Variants in NXPH1 observed in about 807,000 individuals in gnomAD.
NXPH1 encodes neurexophilin-1.
Under a neutral mutation model 23.7 loss-of-function variants are expected in NXPH1, and 5 were observed. The ratio of observed to expected loss-of-function variants is 0.21; its 90% CI spans 0.11 to 0.44. The LOEUF is 0.44. Among genes scored for constraint, NXPH1 ranks in the 20% least tolerant of loss-of-function variants. NXPH1 has a pLI of 0.99. For missense variants in NXPH1, 324 were observed against 321.6 expected, an observed-to-expected ratio of 1.01 and a Z score of -0.06; for synonymous variants, 144 against 122.2, an observed-to-expected ratio of 1.18 and a Z score of -1.18.
chr7:8,473,737 G>GT (rs558654748), intron 2 of NXPH1, among the ~76,000 whole-genome samples: 41,371 of 144,538 alleles, frequency 0.29, 6,002 homozygotes, highest in East Asian at 0.58. Flanking sequence ...TGCTGTGTGT[G>GT]TTTTTTTTTT....
At chr7:8,591,979 C>A (rs1819105855) in intron 2 of NXPH1, among the ~76,000 whole-genome samples, 1 of 151,666 alleles carries the variant, frequency 6.6e-6, no homozygotes. Flanking sequence ...ATCTTTCAGT[C>A]TTCTAGGAGC....
chr7:8,461,836 C>CAAA, intron 2 of NXPH1, among the ~76,000 whole-genome samples: 2 of 41,764 alleles, frequency 4.8e-5, no homozygotes, highest in East Asian at 1.2e-3. Flanking sequence ...GACTCCGTCT[C>CAAA]AAAAAAAAAA....
chr7:8,541,035 T>C (rs1484908656), intron 2 of NXPH1, among the ~76,000 whole-genome samples: 2 of 151,738 alleles, frequency 1.3e-5, no homozygotes, highest in East Asian at 2.0e-4. Context: ...TGGCATTTAA[T>C]TGAAAACTAT....
chr7:8,737,791 A>T lies in NXPH1; in HGVS notation c.55-13217A>T, dbSNP rs7809819. Among the ~76,000 whole-genome samples the T allele has an allele frequency of 3.6e-3, 554 of 152,190 alleles. 2 individuals carry two copies. The highest frequency in any genetic ancestry group is 0.013 in the African/African-American group (523 of 41,530). On this transcript the variant is annotated intron_variant, in intron 2 of 2. Coordinates refer to ENST00000405863, the MANE Select transcript of NXPH1 (RefSeq NM_152745.3). ...CACCAGTCAAAGGTAGGTTTGTTTTATTCACACGTTCACATATTTCTTGGA... is the reference window on the plus strand; with the variant it reads ...CACCAGTCAAAGGTAGGTTTGTTTTTTTCACACGTTCACATATTTCTTGGA...
At chr7:8,693,315 C>T (rs1240945595) in intron 2 of NXPH1, among the ~76,000 whole-genome samples, 1 of 152,176 alleles carries the variant, frequency 6.6e-6, no homozygotes, top group African/African-American at 2.4e-5. Flanking sequence ...GTGTGTCCTT[C>T]TGTGCGTAAG....
At chr7:8,700,377 C>A (rs1197998315) in intron 2 of NXPH1, among the ~76,000 whole-genome samples, 1 of 152,096 alleles carries the variant, frequency 6.6e-6, no homozygotes, top group Non-Finnish European at 1.5e-5. Flanking sequence ...AATCAGGCTT[C>A]ATTTCTGTCT....
chr7:8,688,210 A>G (rs1426970179), intron 2 of NXPH1, among the ~76,000 whole-genome samples: 2 of 152,142 alleles, frequency 1.3e-5, no homozygotes, highest in East Asian at 1.9e-4. Flanking sequence ...CTAGGATCTG[A>G]TGTTCTTGAT....
At chr7:8,530,636 G>T (rs1256228409) in intron 2 of NXPH1, among the ~76,000 whole-genome samples, 1 of 152,180 alleles carries the variant, frequency 6.6e-6, no homozygotes, top group Admixed American at 6.5e-5. Flanking sequence ...AAACTTGCCT[G>T]GAGGGGCATG....
At chr7:8,702,741 TAC>T (rs1251926018) in intron 2 of NXPH1, among the ~76,000 whole-genome samples, 1 of 152,122 alleles carries the variant, frequency 6.6e-6, no homozygotes, top group Non-Finnish European at 1.5e-5. Context: ...GTGGTACTGT[TAC>T]AGAGATTTTT....
At chr7:8,532,475 G>T (rs151110629) in intron 2 of NXPH1, among the ~76,000 whole-genome samples, 21 of 143,180 alleles carry the variant, frequency 1.5e-4, no homozygotes, top group African/African-American at 3.3e-4. Context: ...TTTTGGGGGG[G>T]GGGGAGGGGG....
intron 2 of NXPH1, among the ~76,000 whole-genome samples, chr7:8,629,735 A>G (rs1820082989): frequency 6.6e-6 from 1 of 152,158 alleles, no homozygotes; most frequent in South Asian, 2.1e-4. Flanking sequence ...CCAATAATAA[A>G]TGGAAGTACC....
rs138272484 is a variant in NXPH1 at position 8,624,908 on chromosome 7, C to T, written c.55-126100C>T. ...CCTGGATTCAAGTCATGACTCTTAA[C>T]TCTATAACTGCCTTCCCTGGGCTTC... is the stretch of plus-strand genomic sequence containing the variant. On this transcript the variant is annotated intron_variant, in intron 2 of 2. Coordinates refer to ENST00000405863, the MANE Select transcript of NXPH1 (RefSeq NM_152745.3). 2.3e-4 allele frequency among the ~76,000 whole-genome samples: 35 copies of T among 152,208 alleles called. No individual in the cohort carries two copies. In the East Asian group the frequency reaches 4.8e-3, roughly 21 times the overall value.
At chr7:8,554,175 A>G (rs557470362) in intron 2 of NXPH1, among the ~76,000 whole-genome samples, 1 of 151,760 alleles carries the variant, frequency 6.6e-6, no homozygotes, top group Non-Finnish European at 1.5e-5. Flanking sequence ...AAAAAAGCAA[A>G]AAAAATAAGA....
chr7:8,628,370 G>A (rs1450373097), intron 2 of NXPH1, among the ~76,000 whole-genome samples: 1 of 135,282 alleles, frequency 7.4e-6, no homozygotes, highest in Non-Finnish European at 1.6e-5. Context: ...ATGCATAGGT[G>A]TTTTTTTTTT....
At chr7:8,631,730 A>C (rs1230157583) in intron 2 of NXPH1, among the ~76,000 whole-genome samples, 4 of 152,214 alleles carry the variant, frequency 2.6e-5, no homozygotes. Context: ...TGTGGTCAAC[A>C]TCCAGAAAGC....
At chr7:8,614,426 A>G (rs1004887128) in intron 2 of NXPH1, among the ~76,000 whole-genome samples, 5 of 151,784 alleles carry the variant, frequency 3.3e-5, no homozygotes, top group South Asian at 2.1e-4. Flanking sequence ...CTATAGACAT[A>G]TATGTCTGTA....
chr7:8,449,854 T>C (rs563706689), intron 2 of NXPH1, among the ~76,000 whole-genome samples: 2 of 152,378 alleles, frequency 1.3e-5, no homozygotes, highest in East Asian at 1.9e-4. Flanking sequence ...TAAGTAGTTT[T>C]ATTAGATGCA....
At chr7:8,457,659 T>C (rs1447866327) in intron 2 of NXPH1, among the ~76,000 whole-genome samples, 1 of 151,994 alleles carries the variant, frequency 6.6e-6, no homozygotes, top group Admixed American at 6.6e-5. Context: ...CCATTGTTCA[T>C]ACTTGTATTT....
intron 2 of NXPH1, among the ~76,000 whole-genome samples, chr7:8,446,627 A>G (rs1816408778): frequency 6.6e-6 from 1 of 152,206 alleles, no homozygotes; most frequent in Non-Finnish European, 1.5e-5. Context: ...TGTTTTCCAC[A>G]GGCACAATTT....
Sources: gnomAD v4.1 joint callset for allele counts (sites outside exome capture counted in the v4.1 genomes callset) on GRCh38, gnomAD v4.1.1 for gene constraint, MANE v1.5 for transcripts, NCBI Gene and HGNC (gene_info 2026-07-23, HGNC 2026-07-21) for gene names.